The following DMBT1 variants were observed in gnomAD, a reference collection of about 807,000 sequenced individuals.
DMBT1 encodes scavenger receptor cysteine-rich domain-containing protein DMBT1.
A neutral mutation model predicts 252.9 loss-of-function variants in DMBT1; 198 were observed. The ratio of observed to expected loss-of-function variants is 0.78; its 90% CI spans 0.70 to 0.88. The LOEUF (loss-of-function observed/expected upper bound fraction) is 0.88, where lower values mean the gene tolerates loss of function less well. DMBT1 is among the 40% of genes least tolerant of loss of function. DMBT1 has a pLI of 0.00. For synonymous variants in DMBT1, 990 were observed against 942.7 expected (o/e 1.05, Z -0.92); for missense variants, 2,432 against 2,404.7 (o/e 1.01, Z -0.24).
At chr10:122,592,024 C>T (rs112421500) in intron 19 of DMBT1, among the ~76,000 whole-genome samples, 1,718 of 148,484 alleles carry the variant, frequency 0.012, 31 homozygotes, top group African/African-American at 0.04. Flanking sequence ...AGTGGGGTGT[C>T]CATTCCTGTC....
Position 122,573,597 on chromosome 10 carries a change from G to A in DMBT1, c.236-118G>A, listed in dbSNP as rs1591199009. The A allele has an allele frequency of 2.3e-6, 3 of 1,294,298 alleles. No homozygotes were observed. In the East Asian group the frequency reaches 6.9e-5, roughly 30 times the overall value. 80.2% of individuals were successfully genotyped at this position (1,294,298 alleles called of 1,614,324 possible). On this transcript the variant is annotated intron_variant, in intron 5 of 55. Coordinates refer to ENST00000338354, the MANE Select transcript of DMBT1 (RefSeq NM_001377530.1). Reference sequence around the variant, plus strand: ...TGGCACATGGTTGGCTTTTAGCAATGGATGGTGCCCTTAGGACCTGTGCTT... The same window carrying A: ...TGGCACATGGTTGGCTTTTAGCAATAGATGGTGCCCTTAGGACCTGTGCTT...
At chr10:122,642,375 G>C (rs936193913) in intron 55 of DMBT1, among the ~76,000 whole-genome samples, 1 of 152,096 alleles carries the variant, frequency 6.6e-6, no homozygotes, top group African/African-American at 2.4e-5. Context: ...CAGTTTTCCT[G>C]GCTTTTCTCT....
rs1241349391 is a variant in DMBT1, at chr10:122,570,952, G to A, written c.187+15G>A. The A allele has an allele frequency of 1.9e-6, 3 of 1,612,004 alleles. No homozygotes were observed. The African/African-American group carries it at 4.0e-5, about 22-fold the overall frequency. ...TGTAGCAGAAGGTAACGTCTACTAT[G>A]GGGGATCCCTGTGGGCTCATTACCC... On this transcript the variant is annotated intron_variant, in intron 4 of 55. Transcript: ENST00000338354.
Position 122,589,108 on chromosome 10 carries a change from T to G in DMBT1, c.1948T>G (p.Ser650Ala). ...GCAGCTGGGCTGTGGCTGGGCCACG[T>G]CAGCCCCAGGAAATGCCCGGTTTGG... ...CRQLGCGWAT[S>A]APGNARFGQG... is the part of the protein sequence containing the mutation. Residue 650 changes from serine (S) to alanine (A), a missense_variant, in exon 17 of 56, where the codon TCA (serine) becomes GCA (alanine). Transcript: ENST00000338354. The G allele has an allele frequency of 6.3e-7, 1 of 1,588,630 alleles. No individual in the cohort carries two copies. The highest frequency in any genetic ancestry group is 8.6e-7 in the Non-Finnish European group (1 of 1,165,860).
At chr10:122,588,003 G>C (rs766962835) in intron 16 of DMBT1, among the ~76,000 whole-genome samples, 3 of 148,538 alleles carry the variant, frequency 2.0e-5, no homozygotes, top group African/African-American at 7.3e-5. Flanking sequence ...CACATGGGGA[G>C]CAAGTGGCAA....
At chr10:122,640,575 A>AAG in intron 55 of DMBT1, 126 bp downstream of exon 55, 2 of 1,047,628 alleles carry the variant, frequency 1.9e-6, no homozygotes, top group Non-Finnish European at 2.7e-6. Context: ...GCTTAACTGG[A>AAG]TCCCTTTCTA....
At chr10:122,641,428 G>T (rs1844506010) in intron 55 of DMBT1, among the ~76,000 whole-genome samples, 1 of 152,162 alleles carries the variant, frequency 6.6e-6, no homozygotes, top group Non-Finnish European at 1.5e-5. Flanking sequence ...AATTAGAGGT[G>T]GGCAGATTCA....
At chr10:122,618,365 C>G (rs771716722) in intron 41 of DMBT1, 25 bp downstream of exon 41, 6 of 1,613,782 alleles carry the variant, frequency 3.7e-6, no homozygotes, top group Non-Finnish European at 3.4e-6. Context: ...CCTTGGGCTC[C>G]CTCTCTTAAG....
At chr10:122,564,167 C>T (rs1417700636) in intron 1 of DMBT1, among the ~76,000 whole-genome samples, 4 of 152,182 alleles carry the variant, frequency 2.6e-5, no homozygotes, top group South Asian at 2.1e-4. Flanking sequence ...GGGAGCCCAT[C>T]ATGGAGCTCA....
At chr10:122,588,086 C>G (rs1357449500) in intron 16 of DMBT1, among the ~76,000 whole-genome samples, 1 of 148,744 alleles carries the variant, frequency 6.7e-6, no homozygotes, top group Admixed American at 6.7e-5. Flanking sequence ...TTTTCACCCT[C>G]AAGTTTAATT....
In DMBT1 at chr10:122,621,291, G is replaced by A. The variant is rs776572095; in HGVS notation, c.5519G>A (p.Gly1840Glu). 2.5e-6 allele frequency: 4 copies of A among 1,613,694 alleles called. No homozygotes were observed. The highest frequency in any genetic ancestry group is 1.3e-5 in the African/African-American group (1 of 74,910). ...GTCCTGGATGATGTGCGCTGCTCAG[G>A]GAATGAGTCCTACCTGTGGAGCTGC... ...PIVLDDVRCS[G>E]NESYLWSCPH... The change falls in exon 44 of 56, where the codon GGG becomes GAG. Residue 1840 changes from glycine (G) to glutamate (E), a missense_variant. By Grantham distance (98) the Gly-to-Glu change is moderately conservative (BLOSUM62 -2). Around this residue, in one of 3 missense-constraint regions of DMBT1, gnomAD observed 1,162 missense variants for 1,169.0 expected, o/e 0.99. Transcript: ENST00000338354.
At chr10:122,570,051 G>A in intron 2 of DMBT1, 111 bp from the exon 3 acceptor site, 6 of 986,692 alleles carry the variant, frequency 6.1e-6, no homozygotes, top group Non-Finnish European at 8.2e-6. Flanking sequence ...GCAATGGAGG[G>A]TGCCCTTAGG....
intron 5 of DMBT1, 96 bp downstream of exon 5, chr10:122,572,457 T>C: frequency 2.6e-6 from 4 of 1,537,002 alleles, no homozygotes; most frequent in South Asian, 1.1e-5. Context: ...ACATAGAAAG[T>C]AGTGTGCTGG....
chr10:122,599,190 T>G (rs2097915208), intron 26 of DMBT1, 93 bp downstream of exon 26: 1 of 1,589,582 alleles, frequency 6.3e-7, no homozygotes. Flanking sequence ...ACTCAAAGCT[T>G]CTTCTATGTT....
Position 122,618,073 on chromosome 10 carries a change from C to T in DMBT1, c.4948C>T (p.Arg1650Ter), listed in dbSNP as rs770034352. The T allele has an allele frequency of 1.1e-5, 18 of 1,613,572 alleles. No individual in the cohort carries two copies. The highest frequency in any genetic ancestry group is 1.7e-4 in the Middle Eastern group (1 of 6,008). Residue 1650 changes from arginine to a stop codon, truncating the protein, a stop_gained, in exon 41 of 56, where the codon CGA (arginine) becomes TGA (stop). Coordinates refer to ENST00000338354, the MANE Select transcript of DMBT1 (RefSeq NM_001377530.1). LOFTEE classifies it high-confidence loss of function. ...GAATGGAGGTGACAGGTGTCGAGGC[C>T]GAGTGGAGGTCCTATACCAAGGCTC... The part of the protein sequence containing the change: ...LVNGGDRCRG[R>*]VEVLYQGSWG...
intron 52 of DMBT1, among the ~76,000 whole-genome samples, 160 bp downstream of exon 52, chr10:122,633,501 A>G (rs2098183689): frequency 6.6e-6 from 1 of 152,194 alleles, no homozygotes; most frequent in Non-Finnish European, 1.5e-5. Context: ...GTTTGCTGAG[A>G]GACATTTTTG....
At position 122,591,708 on chromosome 10, in the gene DMBT1, AC is replaced by A. The variant is rs573629300; in HGVS notation, c.2176+193del. 2.6e-3 allele frequency among the ~76,000 whole-genome samples: 379 copies of A among 148,462 alleles called. 14 individuals are homozygous for A. The highest frequency in any genetic ancestry group is 9.0e-3 in the African/African-American group (371 of 41,166). On this transcript the variant is annotated intron_variant, in intron 19 of 55. Coordinates refer to ENST00000338354, the MANE Select transcript of DMBT1 (RefSeq NM_001377530.1). ...TGTTAGAGGGTGGAGGGTGTTGGTG[AC>A]CTATCTCCTGTTGGACCGTGTTCCA...
At position 122,620,960 on chromosome 10, in the gene DMBT1, G is replaced by A. The variant is rs570343270; in HGVS notation, c.5285-97G>A. On this transcript the variant is annotated intron_variant, in intron 43 of 55. Coordinates refer to ENST00000338354, the MANE Select transcript of DMBT1 (RefSeq NM_001377530.1). ...TTCAAAGGTGATTACCTGCACACGTGACTTTGGCCATTAGGAAGTGCCCTG... is the reference window on the plus strand; with the variant it reads ...TTCAAAGGTGATTACCTGCACACGTAACTTTGGCCATTAGGAAGTGCCCTG... The A allele has an allele frequency of 3.8e-6, 6 of 1,572,670 alleles. No homozygotes were observed. The South Asian group carries it at 7.2e-5, about 19-fold the overall frequency.
Position 122,625,223 on chromosome 10 carries a change from C to T in DMBT1, c.5609-54C>T, listed in dbSNP as rs140865414. ...GGGGACAGGCACTCAGCATTTCTCT[C>T]GCTCATCATCCTGGGCACTGGGACT... On this transcript the variant is annotated intron_variant, in intron 44 of 55. Transcript: ENST00000338354. The T allele has an allele frequency of 4.4e-4, 688 of 1,572,824 alleles. 2 individuals are homozygous for T. In the African/African-American group the frequency reaches 6.6e-3, roughly 15 times the overall value.
Sources: gnomAD v4.1 joint callset for allele counts (sites outside exome capture counted in the v4.1 genomes callset) on GRCh38, gnomAD v4.1.1 for gene constraint, gnomAD v4.1.1 regional missense constraint, MANE v1.5 for transcripts, NCBI Gene and HGNC (gene_info 2026-07-23, HGNC 2026-07-21) for gene names.